Variants in STAM2 observed in about 807,000 individuals in gnomAD.
The protein encoded by STAM2 is signal transducing adapter molecule 2.
A neutral mutation model predicts 65.6 loss-of-function variants in STAM2; 51 were observed. The ratio of observed to expected loss-of-function variants is 0.78; its 90% confidence interval spans 0.62 to 0.98. The LOEUF is 0.98. STAM2 is among the 50% of genes least tolerant of loss of function. The pLI, the probability that STAM2 is intolerant of heterozygous loss-of-function variation, is 0.00. For synonymous variants in STAM2, 198 were observed against 208.4 expected, an observed-to-expected ratio of 0.95 and a Z score of 0.43; for missense variants, 584 against 617.8, an observed-to-expected ratio of 0.95 and a Z score of 0.58.
chr2:152,165,855 T>C (rs1311454100), intron 1 of STAM2, among the ~76,000 whole-genome samples: 1 of 152,118 alleles, frequency 6.6e-6, no homozygotes, highest in East Asian at 1.9e-4. Context: ...ATTTAGCAAA[T>C]AAATATATTT....
intron 1 of STAM2, among the ~76,000 whole-genome samples, chr2:152,170,779 T>C (rs528391361): frequency 6.6e-6 from 1 of 152,186 alleles, no homozygotes; most frequent in Non-Finnish European, 1.5e-5. Context: ...GCAGATCACC[T>C]AAGGTCAGGA....
At chr2:152,120,995 G>A (rs1227858245) in intron 13 of STAM2, among the ~76,000 whole-genome samples, 193 bp from the exon 14 acceptor site, 1 of 151,876 alleles carries the variant, frequency 6.6e-6, no homozygotes, top group Non-Finnish European at 1.5e-5. Context: ...TTTTGAGATG[G>A]GATCTTGCTC....
intron 7 of STAM2, among the ~76,000 whole-genome samples, chr2:152,137,003 T>C (rs1289055559): frequency 6.6e-6 from 1 of 150,960 alleles, no homozygotes; most frequent in Admixed American, 6.6e-5. Flanking sequence ...CAAGAAATTC[T>C]CCTGTCACGG....
intron 2 of STAM2, among the ~76,000 whole-genome samples, chr2:152,148,646 G>C (rs1579324139): frequency 6.6e-6 from 1 of 152,070 alleles, no homozygotes. Flanking sequence ...CTGGATGACA[G>C]AGACCGTGTC....
At chr2:152,175,383 G>A (rs931295022) in intron 1 of STAM2, among the ~76,000 whole-genome samples, 3 of 152,170 alleles carry the variant, frequency 2.0e-5, no homozygotes, top group Non-Finnish European at 4.4e-5. Context: ...CCCTTTGAGG[G>A]TCCCCAAACT....
intron 4 of STAM2, 72 bp downstream of exon 4, chr2:152,147,943 TAGTAATGCC>T: frequency 2.0e-6 from 2 of 1,008,176 alleles, no homozygotes; most frequent in Non-Finnish European, 1.5e-6. Flanking sequence ...TATAATACTT[TAGTAATGCC>T]ACATATAGTT....
In STAM2 at chr2:152,175,756, CT is replaced by C; in HGVS notation, c.-115del. 8.6e-7 allele frequency: 1 copy of C among 1,161,988 alleles called. No homozygotes were observed. The highest frequency in any genetic ancestry group is 1.3e-5 in the South Asian group (1 of 75,272). The allele number at this position is 1,161,988 out of a possible 1,614,324, so 72.0% of individuals were successfully genotyped here. A position where few individuals can be genotyped will look rare whatever the true frequency, so the allele number is the denominator to read the frequency against. Reference sequence around the variant, plus strand: ...GACCGCTCCGCTTCGGCCTCCGTCCCTGCACTTCCGCCACCGCACCTGCCCG... The same window carrying C: ...GACCGCTCCGCTTCGGCCTCCGTCCCGCACTTCCGCCACCGCACCTGCCCG... On this transcript the variant is annotated 5_prime_UTR_variant, in exon 1 of 14. Coordinates refer to ENST00000263904, the MANE Select transcript of STAM2 (RefSeq NM_005843.6).
At chr2:152,165,143 C>G (rs368038066) in intron 1 of STAM2, among the ~76,000 whole-genome samples, 1 of 151,934 alleles carries the variant, frequency 6.6e-6, no homozygotes, top group Non-Finnish European at 1.5e-5. Context: ...AAAAATGAGT[C>G]GGTCGGGCGC....
intron 11 of STAM2, among the ~76,000 whole-genome samples, chr2:152,128,645 G>A (rs1229978976): frequency 6.6e-6 from 1 of 152,146 alleles, no homozygotes; most frequent in Non-Finnish European, 1.5e-5. Context: ...AACTTGATCA[G>A]GTGGTAGAAA....
chr2:152,149,391 C>T (rs1689398688), intron 2 of STAM2, among the ~76,000 whole-genome samples: 4 of 152,000 alleles, frequency 2.6e-5, no homozygotes, highest in Admixed American at 2.6e-4. Flanking sequence ...AGTAAAACAA[C>T]TGACCCTTTA....
Position 152,150,158 on chromosome 2 carries a change from T to C in STAM2, c.112A>G (p.Ser38Gly), listed in dbSNP as rs1384877845. The change falls in exon 2 of 14, where the codon AGT becomes GGT. Residue 38 changes from serine (S) to glycine (G), a missense_variant. Ser to Gly is a moderately conservative substitution (Grantham distance 56). Coordinates refer to ENST00000263904, the MANE Select transcript of STAM2 (RefSeq NM_005843.6). ...TGGACATCTTACCCATTAGGAGTAC[T>C]TCCAACTTTGTCACATATGTCCATA... ...LIMDICDKVG[S>G]TPNGAKDCLK... 1 of 1,612,246 alleles carries C rather than the reference T, an allele frequency of 6.2e-7. No homozygotes were observed. The highest frequency in any genetic ancestry group is 2.2e-5 in the East Asian group (1 of 44,834).
chr2:152,146,286 A>AT (rs1249184650), intron 5 of STAM2, among the ~76,000 whole-genome samples: 4 of 151,838 alleles, frequency 2.6e-5, no homozygotes. Flanking sequence ...AAAAAAAAAA[A>AT]AAAATCTTTT....
At chr2:152,150,524 C>T (rs187774375) in intron 1 of STAM2, among the ~76,000 whole-genome samples, 32 of 152,252 alleles carry the variant, frequency 2.1e-4, no homozygotes, top group Non-Finnish European at 3.7e-4. Flanking sequence ...TAATCCAGGC[C>T]GGGCATGGTG....
At chr2:152,120,896 CTTT>C in intron 13 of STAM2, 94 bp from the exon 14 acceptor site, 1 of 888,232 alleles carries the variant, frequency 1.1e-6, no homozygotes. Context: ...TTTCCATCTT[CTTT>C]TTAAGCTTAC....
intron 7 of STAM2, among the ~76,000 whole-genome samples, chr2:152,137,128 T>A (rs1293720305): frequency 6.6e-6 from 1 of 152,068 alleles, no homozygotes; most frequent in Non-Finnish European, 1.5e-5. Flanking sequence ...TCTTAAGTGA[T>A]CCGCCTGCCT....
chr2:152,173,361 C>CACATATATATACATATATATATGTAT (rs1553848885), intron 1 of STAM2, among the ~76,000 whole-genome samples: 375 of 142,698 alleles, frequency 2.6e-3, no homozygotes, highest in Admixed American at 4.4e-3. Context: ...CGTATATACA[C>CACATATATATACATATATATATGTAT]ACATATATAT....
intron 1 of STAM2, among the ~76,000 whole-genome samples, chr2:152,173,958 G>T (rs1186426448): frequency 1.3e-5 from 2 of 152,084 alleles, no homozygotes; most frequent in Admixed American, 1.3e-4. Flanking sequence ...TATGGCACTG[G>T]CCATAAAATA....
intron 12 of STAM2, among the ~76,000 whole-genome samples, chr2:152,125,661 A>T (rs931086311): frequency 1.3e-5 from 2 of 152,230 alleles, no homozygotes; most frequent in Non-Finnish European, 2.9e-5. Context: ...GACATGTATC[A>T]TATCTTTGCT....
At chr2:152,147,115 C>G in intron 5 of STAM2, 47 bp downstream of exon 5, 1 of 1,526,106 alleles carries the variant, frequency 6.6e-7, no homozygotes, top group Non-Finnish European at 8.8e-7. Flanking sequence ...ACATACATAC[C>G]TTCAAAATAT....
Sources: allele counts gnomAD v4.1 joint callset (sites outside exome capture counted in the v4.1 genomes callset), GRCh38; gene constraint gnomAD v4.1.1; transcripts MANE v1.5; gene names NCBI Gene and HGNC (gene_info 2026-07-23, HGNC 2026-07-21).